MACROD2: variants seen among roughly 807,000 people sequenced by gnomAD.
The protein encoded by MACROD2 is ADP-ribose glycohydrolase MACROD2.
A neutral mutation model predicts 70.4 loss-of-function variants in MACROD2; 36 were observed. That is an observed-to-expected ratio of 0.51 (90% CI 0.39 to 0.68). The LOEUF is 0.68. MACROD2 is among the 30% of genes least tolerant of loss of function. MACROD2 has a pLI of 0.00. For missense variants in MACROD2, 496 were observed against 538.4 expected (o/e 0.92, Z 0.78); for synonymous variants, 172 against 178.8 (o/e 0.96, Z 0.30).
chr20:14,011,731 G>A lies in MACROD2; in HGVS notation c.163+9327G>A, dbSNP rs926103653. ...TTTTTAGTAGAGACAGGGTTTCACC[G>A]TGTTAGCCAGGATGGTCTTGATCTC... On this transcript the variant is annotated intron_variant, in intron 2 of 17. Coordinates refer to ENST00000684519, the MANE Select transcript of MACROD2 (RefSeq NM_001351661.2). Among the ~76,000 whole-genome samples the A allele has an allele frequency of 3.3e-5, 5 of 152,056 alleles. No homozygotes were observed. The East Asian group carries it at 5.8e-4, about 18-fold the overall frequency.
intron 6 of MACROD2, among the ~76,000 whole-genome samples, chr20:15,347,105 C>A (rs1470564378): frequency 1.3e-5 from 2 of 152,168 alleles, no homozygotes; most frequent in Non-Finnish European, 2.9e-5. Context: ...ATTGTAAAGT[C>A]TTTCAAGGCT....
intron 6 of MACROD2, among the ~76,000 whole-genome samples, chr20:15,251,335 G>A (rs2077154070): frequency 2.0e-5 from 3 of 152,234 alleles, no homozygotes; most frequent in South Asian, 2.1e-4. Flanking sequence ...CAGTTAGAAA[G>A]CCTCAGCCTT....
intron 5 of MACROD2, among the ~76,000 whole-genome samples, chr20:15,004,260 A>G (rs1479215073): frequency 1.3e-5 from 2 of 152,238 alleles, no homozygotes. Flanking sequence ...GTCATGGGAA[A>G]TAATTAGCTT....
chr20:15,559,548 C>A (rs2048215065), intron 8 of MACROD2, among the ~76,000 whole-genome samples: 1 of 152,210 alleles, frequency 6.6e-6, no homozygotes, highest in Non-Finnish European at 1.5e-5. Flanking sequence ...TCTGTCAACC[C>A]TTGGAAGAAT....
intron 8 of MACROD2, among the ~76,000 whole-genome samples, chr20:15,702,642 T>G (rs374107533): frequency 1.7e-4 from 26 of 152,364 alleles, no homozygotes; most frequent in African/African-American, 6.3e-4. Context: ...GTTGATAGTT[T>G]CTTTTACTGT....
intron 5 of MACROD2, among the ~76,000 whole-genome samples, chr20:14,786,204 T>TAGAGAGAGAGAGAGAGAGAGAGAGAGAG (rs11474711): frequency 1.0e-4 from 14 of 135,428 alleles, no homozygotes; most frequent in African/African-American, 4.0e-4. Context: ...CAGAGAAAGA[T>TAGAGAGAGAGAGAGAGAGAGAGAGAGAG]AGAGAGAGAG....
At chr20:14,948,935 G>A (rs1430951862) in intron 5 of MACROD2, among the ~76,000 whole-genome samples, 2 of 152,172 alleles carry the variant, frequency 1.3e-5, no homozygotes, top group African/African-American at 2.4e-5. Context: ...CAAATTGTGT[G>A]TATAATCAGT....
intron 4 of MACROD2, among the ~76,000 whole-genome samples, chr20:14,681,374 A>G (rs75833040): frequency 0.037 from 5,611 of 152,328 alleles, 136 homozygotes; most frequent in Admixed American, 0.046. Context: ...TCACAGATGA[A>G]TGGATAAAGA....
At chr20:15,587,577 G>C (rs1280448197) in intron 8 of MACROD2, among the ~76,000 whole-genome samples, 1 of 152,166 alleles carries the variant, frequency 6.6e-6, no homozygotes, top group African/African-American at 2.4e-5. Flanking sequence ...TCAAAAACAA[G>C]CTAATTACTT....
intron 8 of MACROD2, among the ~76,000 whole-genome samples, chr20:15,740,357 T>C (rs1010060163): frequency 1.3e-5 from 2 of 152,134 alleles, no homozygotes; most frequent in Non-Finnish European, 2.9e-5. Context: ...TTACTGTTAT[T>C]ACTATCTATA....
chr20:15,060,480 C>T (rs1249211529), intron 5 of MACROD2, among the ~76,000 whole-genome samples: 28 of 152,194 alleles, frequency 1.8e-4, no homozygotes, highest in Admixed American at 1.8e-3. Context: ...CGGGGCATTT[C>T]CCTCTCTATG....
rs929389819 is a variant in MACROD2, at chr20:14,850,970, G to A, written c.418+166011G>A. ...ACTTCTAATTTTTTTTTTAAACCTA[G>A]CATTGACAGTACAGTCCTGAATTGT... On this transcript the variant is annotated intron_variant, in intron 5 of 17. Transcript: ENST00000684519. 3.9e-5 allele frequency among the ~76,000 whole-genome samples: 6 copies of A among 152,090 alleles called. No individual in the cohort carries two copies. The South Asian group carries it at 1.0e-3, about 26-fold the overall frequency.
chr20:14,429,162 A>G (rs1001928831), intron 3 of MACROD2, among the ~76,000 whole-genome samples: 2 of 152,178 alleles, frequency 1.3e-5, no homozygotes, highest in African/African-American at 4.8e-5. Flanking sequence ...TCACTGTAAT[A>G]TTTCATTTAA....
At chr20:15,988,504 A>G (rs377054113) in intron 15 of MACROD2, among the ~76,000 whole-genome samples, 4 of 152,132 alleles carry the variant, frequency 2.6e-5, no homozygotes, top group Non-Finnish European at 4.4e-5. Context: ...GACTTGACCT[A>G]TAAGAAAAAA....
At chr20:14,460,540 G>A (rs1184662502) in intron 3 of MACROD2, among the ~76,000 whole-genome samples, 1 of 152,056 alleles carries the variant, frequency 6.6e-6, no homozygotes, top group African/African-American at 2.4e-5. Flanking sequence ...AGAAGTGTCA[G>A]TATGATATTG....
Position 16,050,680 on chromosome 20 carries a change from G to A in MACROD2, c.*804G>A, listed in dbSNP as rs2067446990. 6.6e-6 allele frequency: 1 copy of A among 152,192 alleles called. No individual in the cohort carries two copies. The highest frequency in any genetic ancestry group is 2.4e-5 in the African/African-American group (1 of 41,448). The allele number at this position is 152,192 out of a possible 1,614,324, so 9.4% of individuals were successfully genotyped here. On this transcript the variant is annotated 3_prime_UTR_variant, in exon 18 of 18. Coordinates refer to ENST00000684519, the MANE Select transcript of MACROD2 (RefSeq NM_001351661.2). ...TCTCTGCTGCATAACTGTAAAGGAT[G>A]GCCCTTTGCTAGGTGTTACAGTTAA...
At chr20:14,690,347 A>G (rs1037242448) in intron 5 of MACROD2, among the ~76,000 whole-genome samples, 1 of 152,228 alleles carries the variant, frequency 6.6e-6, no homozygotes, top group African/African-American at 2.4e-5. Context: ...GGAAACTCTA[A>G]GGTGAGAGAC....
At chr20:15,776,049 C>T (rs73095343) in intron 8 of MACROD2, among the ~76,000 whole-genome samples, 3,007 of 152,252 alleles carry the variant, frequency 0.02, 52 homozygotes, top group Non-Finnish European at 0.034. Context: ...AGGTTGCTTC[C>T]ATTTTCACAG....
At chr20:14,003,973 C>T (rs1166118420) in intron 2 of MACROD2, among the ~76,000 whole-genome samples, 1 of 152,160 alleles carries the variant, frequency 6.6e-6, no homozygotes, top group South Asian at 2.1e-4. Flanking sequence ...AATATTTCAG[C>T]AGCAGCACTA....
Sources: allele counts gnomAD v4.1 joint callset (sites outside exome capture counted in the v4.1 genomes callset), GRCh38; gene constraint gnomAD v4.1.1; transcripts MANE v1.5; gene names NCBI Gene and HGNC (gene_info 2026-07-23, HGNC 2026-07-21).